Variants in GPC5 observed in about 807,000 individuals in gnomAD.
GPC5 encodes the protein glypican 5.
A neutral mutation model predicts 53.9 loss-of-function variants in GPC5; 47 were observed. The observed-to-expected ratio is 0.87, with a 90% CI of 0.69 to 1.11. The LOEUF (loss-of-function observed/expected upper bound fraction) is 1.11, where lower values mean the gene tolerates loss of function less well. Among genes scored for constraint, GPC5 ranks in the 50% most tolerant of loss-of-function variants. The probability of loss-of-function intolerance (pLI) is 0.00; values close to 1 mark genes in which losing one functional copy is unlikely to be tolerated. For synonymous variants in GPC5, 286 were observed against 263.3 expected (o/e 1.09, Z -0.84); for missense variants, 748 against 713.1 (o/e 1.05, Z -0.56).
intron 7 of GPC5, among the ~76,000 whole-genome samples, chr13:92,729,294 CT>C (rs1206988740): frequency 6.6e-6 from 1 of 151,274 alleles, no homozygotes; most frequent in Admixed American, 6.6e-5. Flanking sequence ...ATATCAACCC[CT>C]AGATCCACGC....
chr13:92,755,140 C>T (rs1239685947), intron 7 of GPC5, among the ~76,000 whole-genome samples: 4 of 145,788 alleles, frequency 2.7e-5, no homozygotes, highest in African/African-American at 1.0e-4. Flanking sequence ...TCTCAGACCA[C>T]AGTGCAATCA....
intron 6 of GPC5, among the ~76,000 whole-genome samples, chr13:92,070,217 C>T (rs1262390368): frequency 8.5e-5 from 13 of 152,158 alleles, no homozygotes; most frequent in Admixed American, 6.5e-5. Flanking sequence ...TGCGATACTA[C>T]CTACACAAGG....
At chr13:92,272,136 A>G (rs1029876281) in intron 7 of GPC5, among the ~76,000 whole-genome samples, 1 of 152,182 alleles carries the variant, frequency 6.6e-6, no homozygotes, top group African/African-American at 2.4e-5. Context: ...CTAACATGTC[A>G]TGATTAACAT....
intron 7 of GPC5, among the ~76,000 whole-genome samples, chr13:92,297,086 C>T (rs546225438): frequency 9.2e-5 from 14 of 152,378 alleles, no homozygotes; most frequent in Admixed American, 9.1e-4. Context: ...GCTCCACCTG[C>T]AGCCCCTGTG....
At chr13:92,384,046 GC>G (rs1426526594) in intron 7 of GPC5, among the ~76,000 whole-genome samples, 2 of 151,938 alleles carry the variant, frequency 1.3e-5, no homozygotes, top group Non-Finnish European at 2.9e-5. Flanking sequence ...AGGATTTAGT[GC>G]AGCAAAGAGA....
Position 91,895,053 on chromosome 13 carries a change from T to TAA in GPC5, c.1281-12870_1281-12869dup, listed in dbSNP as rs111823854. Among the ~76,000 whole-genome samples the TAA allele has an allele frequency of 1.8e-3, 227 of 123,866 alleles. 1 individual carries two copies. The Middle Eastern group carries it at 0.057, about 31-fold the overall frequency. The allele number at this position is 123,866 out of a possible 152,430, so 81.3% of individuals were successfully genotyped here. On this transcript the variant is annotated intron_variant, in intron 5 of 7. Coordinates refer to ENST00000377067, the MANE Select transcript of GPC5 (RefSeq NM_004466.6). Reference sequence around the variant, plus strand: ...TTCTAACCAAACCAAATCCCTAACTTAAAAAAAAAAAAAAAGGCCTCTACA... The same window carrying TAA: ...TTCTAACCAAACCAAATCCCTAACTTAAAAAAAAAAAAAAAAAGGCCTCTACA...
In GPC5 at chr13:92,464,692, A is replaced by G. The variant is rs563333740; in HGVS notation, c.1561+319703A>G. On this transcript the variant is annotated intron_variant, in intron 7 of 7. Coordinates refer to ENST00000377067, the MANE Select transcript of GPC5 (RefSeq NM_004466.6). ...AGGTACATTTTGCATAATATATTGA[A>G]CATATTGTTATTAATAGAAATAGAA... is the stretch of plus-strand genomic sequence containing the variant. Among the ~76,000 whole-genome samples the G allele has an allele frequency of 7.4e-4, 112 of 152,124 alleles. 2 individuals carry two copies. In the South Asian group the frequency reaches 0.023, roughly 31 times the overall value.
At chr13:92,663,765 T>C (rs1270056538) in intron 7 of GPC5, among the ~76,000 whole-genome samples, 1 of 140,992 alleles carries the variant, frequency 7.1e-6, no homozygotes, top group Non-Finnish European at 1.5e-5. Flanking sequence ...AATATATATA[T>C]ACACTATATA....
At chr13:91,703,600 G>T (rs1354325481) in intron 3 of GPC5, among the ~76,000 whole-genome samples, 2 of 152,088 alleles carry the variant, frequency 1.3e-5, no homozygotes, top group Non-Finnish European at 2.9e-5. Context: ...ATAATGATAT[G>T]TACTTTTATT....
At chr13:92,300,837 A>C (rs892758074) in intron 7 of GPC5, among the ~76,000 whole-genome samples, 1 of 152,178 alleles carries the variant, frequency 6.6e-6, no homozygotes, top group African/African-American at 2.4e-5. Context: ...TAGGGATGCA[A>C]AATGTGAGTA....
At chr13:91,548,940 A>G (rs1169291911) in intron 2 of GPC5, among the ~76,000 whole-genome samples, 1 of 152,132 alleles carries the variant, frequency 6.6e-6, no homozygotes, top group African/African-American at 2.4e-5. Context: ...ATCCTTCACA[A>G]AAATCAACTC....
At chr13:91,883,866 T>A (rs2138955164) in intron 5 of GPC5, among the ~76,000 whole-genome samples, 1 of 152,250 alleles carries the variant, frequency 6.6e-6, no homozygotes, top group African/African-American at 2.4e-5. Context: ...GGGTTTGTTG[T>A]ACGGATTATT....
intron 7 of GPC5, among the ~76,000 whole-genome samples, chr13:92,752,852 C>A (rs1168260375): frequency 2.0e-5 from 3 of 152,152 alleles, no homozygotes; most frequent in South Asian, 4.1e-4. Flanking sequence ...CCCAGGGAGT[C>A]TCGCTGATTG....
At chr13:92,081,739 C>A (rs1368364342) in intron 6 of GPC5, among the ~76,000 whole-genome samples, 1 of 152,114 alleles carries the variant, frequency 6.6e-6, no homozygotes, top group Non-Finnish European at 1.5e-5. Flanking sequence ...TTCAGTGTGA[C>A]ACATATAAGA....
At chr13:91,557,510 G>T (rs1004258655) in intron 2 of GPC5, among the ~76,000 whole-genome samples, 24 of 152,114 alleles carry the variant, frequency 1.6e-4, no homozygotes, top group Non-Finnish European at 2.6e-4. Context: ...GAGGGCTGAT[G>T]TCCAGCCCCA....
intron 7 of GPC5, among the ~76,000 whole-genome samples, chr13:92,856,614 T>C (rs1423970219): frequency 6.6e-6 from 1 of 152,086 alleles, no homozygotes; most frequent in African/African-American, 2.4e-5. Flanking sequence ...CTCCTAAACC[T>C]GATAAGCAAC....
At chr13:92,152,352 C>A (rs191064118) in intron 7 of GPC5, among the ~76,000 whole-genome samples, 56 of 152,198 alleles carry the variant, frequency 3.7e-4, no homozygotes, top group African/African-American at 1.3e-3. Context: ...TCCTTAAGAC[C>A]TGAATAAAAG....
intron 7 of GPC5, among the ~76,000 whole-genome samples, chr13:92,530,476 GTTTTGT>G (rs1485643666): frequency 6.6e-6 from 1 of 151,950 alleles, no homozygotes; most frequent in East Asian, 1.9e-4. Flanking sequence ...AAGTTTTTTT[GTTTTGT>G]TTTTATTTTT....
At chr13:91,586,100 G>C (rs1033225181) in intron 2 of GPC5, among the ~76,000 whole-genome samples, 1 of 147,834 alleles carries the variant, frequency 6.8e-6, no homozygotes, top group African/African-American at 2.5e-5. Flanking sequence ...TGTCTTGCAT[G>C]TACTGTCCTT....
Sources: allele counts gnomAD v4.1 joint callset (sites outside exome capture counted in the v4.1 genomes callset), GRCh38; gene constraint gnomAD v4.1.1; transcripts MANE v1.5; gene names NCBI Gene and HGNC (gene_info 2026-07-23, HGNC 2026-07-21).